The following CFAP44 variants were observed in gnomAD, a reference collection of about 807,000 sequenced individuals.
CFAP44 encodes the protein cilia and flagella associated protein 44.
A neutral mutation model predicts 216.2 loss-of-function variants in CFAP44; 134 were observed. The observed-to-expected ratio is 0.62, with a 90% CI of 0.54 to 0.72. CFAP44 has a LOEUF of 0.72. CFAP44 is among the 30% of genes least tolerant of loss of function. The pLI is 0.00. For synonymous variants in CFAP44, 700 were observed against 727.6 expected, an observed-to-expected ratio of 0.96 and a Z score of 0.61; for missense variants, 2,035 against 2,182.1, an observed-to-expected ratio of 0.93 and a Z score of 1.34.
At chr3:113,355,573 T>C (rs1415729178) in intron 22 of CFAP44, among the ~76,000 whole-genome samples, 1 of 152,152 alleles carries the variant, frequency 6.6e-6, no homozygotes, top group African/African-American at 2.4e-5. Context: ...TGCAGGAACA[T>C]GGATGAAGCT....
At chr3:113,348,104 T>C (rs1045282314) in intron 22 of CFAP44, among the ~76,000 whole-genome samples, 1 of 152,150 alleles carries the variant, frequency 6.6e-6, no homozygotes, top group Admixed American at 6.5e-5. Context: ...CAGGGACCAT[T>C]GCAGGTTCTT....
intron 32 of CFAP44, among the ~76,000 whole-genome samples, chr3:113,301,014 T>C (rs1476879256): frequency 6.6e-6 from 1 of 152,144 alleles, no homozygotes; most frequent in Non-Finnish European, 1.5e-5. Flanking sequence ...AACCCTTATA[T>C]TTTTAGAAAC....
intron 23 of CFAP44, among the ~76,000 whole-genome samples, chr3:113,343,182 C>T (rs1950350942): frequency 6.6e-6 from 1 of 151,596 alleles, no homozygotes. Flanking sequence ...CCGCCACAGC[C>T]TCCTGGGTAG....
At chr3:113,304,835 A>G (rs886745950) in intron 31 of CFAP44, among the ~76,000 whole-genome samples, 11 of 152,228 alleles carry the variant, frequency 7.2e-5, no homozygotes, top group Admixed American at 3.9e-4. Context: ...AATGGGCCAC[A>G]GGGAAATATC....
intron 1 of CFAP44, among the ~76,000 whole-genome samples, chr3:113,434,270 GT>G (rs1935180659): frequency 6.6e-6 from 1 of 152,172 alleles, no homozygotes; most frequent in South Asian, 2.1e-4. Context: ...ATGATGGGGG[GT>G]TAGAGAAGAG....
intron 1 of CFAP44, among the ~76,000 whole-genome samples, chr3:113,436,816 G>T (rs1935250346): frequency 6.6e-6 from 1 of 152,178 alleles, no homozygotes; most frequent in African/African-American, 2.4e-5. Context: ...ACTTTCTTCT[G>T]TAAGTAGGTA....
chr3:113,390,013 C>G lies in CFAP44; in HGVS notation c.1890+5737G>C, dbSNP rs113237911. Among the ~76,000 whole-genome samples, 537 of 152,130 alleles carry G rather than the reference C, an allele frequency of 3.5e-3. 3 individuals carry two copies. Among genetic ancestry groups the G allele is most frequent in the African/African-American group, 0.012 (515 of 41,506 alleles). On this transcript the variant is annotated intron_variant, in intron 15 of 34. Coordinates refer to ENST00000393845, the MANE Select transcript of CFAP44 (RefSeq NM_001164496.2). ...ACTCATTCAACAAGGCCAGTACTAC[C>G]CTAATACCAAAGCCAGACAAAGGCA...
intron 13 of CFAP44, among the ~76,000 whole-genome samples, chr3:113,399,091 C>A (rs1276600765): frequency 2.0e-5 from 3 of 152,154 alleles, no homozygotes; most frequent in Non-Finnish European, 4.4e-5. Flanking sequence ...AAACCTAAGC[C>A]ACATGGAGAG....
intron 15 of CFAP44, among the ~76,000 whole-genome samples, chr3:113,389,069 T>A (rs915105860): frequency 6.6e-6 from 1 of 152,200 alleles, no homozygotes; most frequent in African/African-American, 2.4e-5. Flanking sequence ...GGCTGCAGAA[T>A]ACACATTATT....
chr3:113,366,037 AC>A lies in CFAP44; in HGVS notation c.2715+1del. On this transcript the variant is annotated splice_donor_variant, in intron 19 of 34. Coordinates refer to ENST00000393845, the MANE Select transcript of CFAP44 (RefSeq NM_001164496.2). LOFTEE classifies it high-confidence loss of function. ...TAATTAACTGGTTAATTAATTACAT[AC>A]CCTGGGAGATGGAACTTTGGCCTTC... 6.2e-7 allele frequency: 1 copy of A among 1,605,810 alleles called. No individual in the cohort carries two copies. The highest frequency in any genetic ancestry group is 1.3e-5 in the African/African-American group (1 of 74,706).
chr3:113,343,059 C>CTTTTTTTTTTTTTTTTT (rs397990837), intron 23 of CFAP44, among the ~76,000 whole-genome samples: 9 of 106,770 alleles, frequency 8.4e-5, no homozygotes, highest in Non-Finnish European at 1.1e-4. Flanking sequence ...TTCTTTCTTT[C>CTTTTTTTTTTTTTTTTT]TTTTTTTTTT....
intron 1 of CFAP44, among the ~76,000 whole-genome samples, chr3:113,440,127 G>A (rs1280014814): frequency 6.6e-6 from 1 of 152,044 alleles, no homozygotes; most frequent in African/African-American, 2.4e-5. Flanking sequence ...GCAGTGCTGC[G>A]ATCTCAGCTC....
chr3:113,323,475 G>A (rs545060258), intron 28 of CFAP44, among the ~76,000 whole-genome samples: 1 of 152,266 alleles, frequency 6.6e-6, no homozygotes, highest in East Asian at 1.9e-4. Context: ...GAGTGGTGAG[G>A]GAAGGAGGGG....
intron 3 of CFAP44, 134 bp downstream of exon 3, chr3:113,427,053 C>T: frequency 1.0e-6 from 1 of 980,884 alleles, no homozygotes; most frequent in Non-Finnish European, 1.5e-6. Context: ...AAAATATGTA[C>T]TTGTCCTTTT....
At chr3:113,366,614 C>G (rs1932942123) in intron 18 of CFAP44, among the ~76,000 whole-genome samples, 1 of 152,148 alleles carries the variant, frequency 6.6e-6, no homozygotes, top group Non-Finnish European at 1.5e-5. Context: ...CAAATAGGAA[C>G]AGCTCCAGTC....
At chr3:113,362,123 T>C (rs1950547171) in intron 21 of CFAP44, among the ~76,000 whole-genome samples, 1 of 151,818 alleles carries the variant, frequency 6.6e-6, no homozygotes, top group Non-Finnish European at 1.5e-5. Flanking sequence ...TTTTAGAAGA[T>C]CTTGGTTGAG....
At chr3:113,343,060 T>TC (rs1491312990) in intron 23 of CFAP44, among the ~76,000 whole-genome samples, 1 of 26,478 alleles carries the variant, frequency 3.8e-5, no homozygotes, top group East Asian at 1.4e-3. Context: ...TCTTTCTTTC[T>TC]TTTTTTTTTT....
At chr3:113,356,409 C>A (rs1950492880) in intron 22 of CFAP44, among the ~76,000 whole-genome samples, 1 of 151,990 alleles carries the variant, frequency 6.6e-6, no homozygotes, top group Non-Finnish European at 1.5e-5. Context: ...CCTAACCAAT[C>A]TTGGAGATGA....
In CFAP44 at chr3:113,341,914, C is replaced by T. The variant is rs1950336634; in HGVS notation, c.3267G>A (p.Gly1089=). 3.3e-6 allele frequency: 5 copies of T among 1,522,678 alleles called. No homozygotes were observed. The highest frequency in any genetic ancestry group is 4.3e-5 in the Admixed American group (2 of 46,988). The allele number at this position is 1,522,678 out of a possible 1,614,324, so 94.3% of individuals were successfully genotyped here. A position where few individuals can be genotyped will look rare whatever the true frequency, so the allele number is the denominator to read the frequency against. The part of the protein sequence containing the change: ...GRKDSQRDAG[G]SVTIQEESII... ...TTGATTCTTCTTGTATGGTAACACT[C>T]CCACCTACATAGAGAATCAACATTT... The change falls in exon 24 of 35, where the codon GGG becomes GGA. Residue 1089 remains glycine (G), a synonymous_variant. Transcript: ENST00000393845.
Sources: gnomAD v4.1 joint callset for allele counts (sites outside exome capture counted in the v4.1 genomes callset) on GRCh38, gnomAD v4.1.1 for gene constraint, MANE v1.5 for transcripts, NCBI Gene and HGNC (gene_info 2026-07-23, HGNC 2026-07-21) for gene names.